The following RABGAP1L variants were observed in gnomAD, a reference collection of about 807,000 sequenced individuals.
RABGAP1L encodes the protein RAB GTPase activating protein 1 like.
RABGAP1L carries 63 observed loss-of-function variants against 137.7 expected under a neutral mutation model. That is an observed-to-expected ratio of 0.46 (90% CI 0.37 to 0.56). The LOEUF (loss-of-function observed/expected upper bound fraction) is 0.56, where lower values mean the gene tolerates loss of function less well. Among genes scored for constraint, RABGAP1L ranks in the 20% least tolerant of loss-of-function variants. The pLI is 0.00. For missense variants in RABGAP1L, 1,095 were observed against 1,244.0 expected, an observed-to-expected ratio of 0.88 and a Z score of 1.80; for synonymous variants, 431 against 433.7, an observed-to-expected ratio of 0.99 and a Z score of 0.08.
chr1:174,774,784 A>T (rs930615901), intron 18 of RABGAP1L, among the ~76,000 whole-genome samples: 8 of 152,062 alleles, frequency 5.3e-5, no homozygotes, highest in African/African-American at 1.9e-4. Flanking sequence ...GGAGGCTGAG[A>T]TGGGAGGATC....
chr1:174,413,422 G>T (rs1444593654), intron 13 of RABGAP1L, among the ~76,000 whole-genome samples: 2 of 152,102 alleles, frequency 1.3e-5, no homozygotes, highest in African/African-American at 4.8e-5. Context: ...TGCAATCCAT[G>T]CTTTGAATTC....
intron 10 of RABGAP1L, among the ~76,000 whole-genome samples, chr1:174,289,289 C>T (rs183845937): frequency 2.6e-5 from 4 of 152,252 alleles, no homozygotes; most frequent in Admixed American, 1.3e-4. Context: ...GAGATCTTCT[C>T]GCCTGGCCTC....
chr1:174,439,642 C>T (rs1490107160), intron 13 of RABGAP1L, among the ~76,000 whole-genome samples: 1 of 152,148 alleles, frequency 6.6e-6, no homozygotes, highest in Non-Finnish European at 1.5e-5. Flanking sequence ...GTTAATTCCC[C>T]CTCCCACAAT....
At chr1:174,388,890 A>G (rs1056648468) in intron 12 of RABGAP1L, among the ~76,000 whole-genome samples, 8 of 152,176 alleles carry the variant, frequency 5.3e-5, no homozygotes, top group Admixed American at 5.2e-4. Context: ...AGTAAGAGAA[A>G]ATTGGTACAT....
At chr1:174,550,776 T>G (rs1441563353) in intron 13 of RABGAP1L, among the ~76,000 whole-genome samples, 2 of 146,088 alleles carry the variant, frequency 1.4e-5, no homozygotes, top group Non-Finnish European at 3.0e-5. Context: ...TCCCAGCACT[T>G]TGGGAGGCCA....
intron 13 of RABGAP1L, among the ~76,000 whole-genome samples, chr1:174,416,609 A>G (rs1650620242): frequency 6.6e-6 from 1 of 152,260 alleles, no homozygotes; most frequent in South Asian, 2.1e-4. Flanking sequence ...ATATAATCCT[A>G]GTAGACAGCA....
intron 15 of RABGAP1L, among the ~76,000 whole-genome samples, chr1:174,696,257 T>A (rs1205924404): frequency 6.6e-6 from 1 of 152,066 alleles, no homozygotes; most frequent in Non-Finnish European, 1.5e-5. Context: ...GAGCCGGTAC[T>A]CAAGTTGCAG....
At chr1:174,835,415 A>G (rs915423693) in intron 19 of RABGAP1L, among the ~76,000 whole-genome samples, 6 of 152,212 alleles carry the variant, frequency 3.9e-5, no homozygotes, top group East Asian at 1.9e-4. Context: ...AGGCAATTCA[A>G]TTTATAGTAA....
intron 18 of RABGAP1L, among the ~76,000 whole-genome samples, chr1:174,783,112 C>T (rs1355443847): frequency 6.6e-6 from 1 of 152,176 alleles, no homozygotes; most frequent in Non-Finnish European, 1.5e-5. Flanking sequence ...CCACCGTTGA[C>T]TTCCAGCCCT....
chr1:174,929,670 G>A (rs970606372), intron 19 of RABGAP1L, among the ~76,000 whole-genome samples: 21 of 151,882 alleles, frequency 1.4e-4, no homozygotes, highest in African/African-American at 4.8e-4. Context: ...TTGAGCCCAA[G>A]AGGTCGAGGC....
intron 19 of RABGAP1L, among the ~76,000 whole-genome samples, chr1:174,919,834 C>T (rs1022719560): frequency 5.3e-5 from 8 of 152,124 alleles, no homozygotes; most frequent in African/African-American, 1.9e-4. Flanking sequence ...CCAGCCTGGA[C>T]AACATAGACC....
chr1:174,345,332 T>C (rs1415587005), intron 11 of RABGAP1L, among the ~76,000 whole-genome samples: 1 of 152,186 alleles, frequency 6.6e-6, no homozygotes, highest in Admixed American at 6.5e-5. Flanking sequence ...AAGTATGTCA[T>C]TGGTATTTTA....
chr1:174,549,527 C>T (rs1159096564), intron 13 of RABGAP1L, among the ~76,000 whole-genome samples: 1 of 152,108 alleles, frequency 6.6e-6, no homozygotes, highest in Non-Finnish European at 1.5e-5. Flanking sequence ...AAGTTGGCCA[C>T]CATTCCAGGC....
intron 14 of RABGAP1L, among the ~76,000 whole-genome samples, chr1:174,659,980 C>T (rs561322628): frequency 4.6e-5 from 7 of 152,266 alleles, no homozygotes; most frequent in African/African-American, 1.7e-4. Flanking sequence ...ACCCACAACA[C>T]GGTTTGCAGG....
chr1:174,298,840 A>G (rs1677381241), intron 10 of RABGAP1L, among the ~76,000 whole-genome samples: 1 of 152,202 alleles, frequency 6.6e-6, no homozygotes, highest in Non-Finnish European at 1.5e-5. Flanking sequence ...TTGCAGGATA[A>G]TTGCTCAGAA....
intron 19 of RABGAP1L, among the ~76,000 whole-genome samples, chr1:174,883,359 T>C (rs1031852649): frequency 2.6e-5 from 4 of 152,152 alleles, no homozygotes; most frequent in African/African-American, 7.2e-5. Flanking sequence ...CTAATCAGAC[T>C]ATTTGAAGAA....
Position 174,839,028 on chromosome 1 carries a change from CGTGTGTGTGTGT to C in RABGAP1L, c.2340+27085_2340+27096del, listed in dbSNP as rs71726767. On this transcript the variant is annotated intron_variant, in intron 19 of 25. Coordinates refer to ENST00000681986, the MANE Select transcript of RABGAP1L (RefSeq NM_001366446.1). ...ATGAGCTAAGTCATGAACTTTTTTACGTGTGTGTGTGTGTGTGTGTGTGTGTGTTGGTAGGGG... is the reference window on the plus strand; with the variant it reads ...ATGAGCTAAGTCATGAACTTTTTTACGTGTGTGTGTGTGTGTTGGTAGGGG... Among the ~76,000 whole-genome samples, 72 of 130,104 alleles carry C rather than the reference CGTGTGTGTGTGT, an allele frequency of 5.5e-4. 1 individual carries two copies. In the Middle Eastern group the frequency reaches 0.031, roughly 57 times the overall value. 85.4% of individuals were successfully genotyped at this position (130,104 alleles called of 152,430 possible).
chr1:174,552,985 T>C (rs769767563), intron 13 of RABGAP1L, among the ~76,000 whole-genome samples: 3 of 152,244 alleles, frequency 2.0e-5, no homozygotes, highest in Non-Finnish European at 4.4e-5. Context: ...TGATCAGTGA[T>C]GTTTAGCTTT....
At chr1:174,856,409 AAAAAG>A (rs1371186630) in intron 19 of RABGAP1L, among the ~76,000 whole-genome samples, 18 of 149,954 alleles carry the variant, frequency 1.2e-4, no homozygotes, top group Admixed American at 2.6e-4. Flanking sequence ...AAAAAAAAAA[AAAAAG>A]AAAAGAAAAG....
Sources: gnomAD v4.1 joint callset for allele counts (sites outside exome capture counted in the v4.1 genomes callset) on GRCh38, gnomAD v4.1.1 for gene constraint, MANE v1.5 for transcripts, NCBI Gene and HGNC (gene_info 2026-07-23, HGNC 2026-07-21) for gene names.